Variants in ZDHHC14 observed in about 807,000 individuals in gnomAD.
ZDHHC14 encodes palmitoyltransferase ZDHHC14.
Under a neutral mutation model 47.7 loss-of-function variants are expected in ZDHHC14, and 16 were observed. That is an observed-to-expected ratio of 0.34 (90% CI 0.23 to 0.51). The LOEUF (loss-of-function observed/expected upper bound fraction) is 0.51. Ranked by LOEUF, ZDHHC14 falls within the 20% of genes least tolerant of loss-of-function variation. The pLI is 0.97. For synonymous variants in ZDHHC14, 293 were observed against 278.9 expected (o/e 1.05, Z -0.50); for missense variants, 515 against 662.5 (o/e 0.78, Z 2.44).
At chr6:157,524,131 ATTT>A (rs879683007) in intron 1 of ZDHHC14, among the ~76,000 whole-genome samples, 1 of 142,842 alleles carries the variant, frequency 7.0e-6, no homozygotes, top group African/African-American at 2.6e-5. Context: ...TTGATTGGCA[ATTT>A]TTTTTTTTTT....
chr6:157,606,467 A>C (rs1583010217), intron 3 of ZDHHC14, among the ~76,000 whole-genome samples: 1 of 152,176 alleles, frequency 6.6e-6, no homozygotes, highest in East Asian at 1.9e-4. Context: ...ACTCCATCTC[A>C]AAAAAAAGAA....
At chr6:157,497,102 A>G (rs1335184143) in intron 1 of ZDHHC14, among the ~76,000 whole-genome samples, 1 of 152,178 alleles carries the variant, frequency 6.6e-6, no homozygotes, top group Non-Finnish European at 1.5e-5. Flanking sequence ...TAAGGGAGGA[A>G]ACAGAAGGTG....
chr6:157,654,678 G>T (rs1320471331), intron 8 of ZDHHC14, among the ~76,000 whole-genome samples: 1 of 151,934 alleles, frequency 6.6e-6, no homozygotes, highest in South Asian at 2.1e-4. Flanking sequence ...TTACGTGTTG[G>T]TGGTGGTGGT....
At chr6:157,654,978 A>T (rs934384126) in intron 8 of ZDHHC14, among the ~76,000 whole-genome samples, 1 of 152,046 alleles carries the variant, frequency 6.6e-6, no homozygotes, top group African/African-American at 2.4e-5. Context: ...CAGGTGATCC[A>T]CCTGCCTCGG....
intron 5 of ZDHHC14, among the ~76,000 whole-genome samples, chr6:157,634,397 T>C (rs1477781106): frequency 6.6e-6 from 1 of 152,152 alleles, no homozygotes; most frequent in Non-Finnish European, 1.5e-5. Flanking sequence ...CCTGTGCTAT[T>C]AGGATCAGGT....
At chr6:157,492,898 T>C (rs1244509967) in intron 1 of ZDHHC14, among the ~76,000 whole-genome samples, 1 of 151,958 alleles carries the variant, frequency 6.6e-6, no homozygotes, top group Non-Finnish European at 1.5e-5. Context: ...TGGCTAGTTC[T>C]TGGAACAGCA....
At chr6:157,545,315 T>C (rs1562472783) in intron 2 of ZDHHC14, among the ~76,000 whole-genome samples, 1 of 152,066 alleles carries the variant, frequency 6.6e-6, no homozygotes, top group South Asian at 2.1e-4. Flanking sequence ...TACAAGTCAC[T>C]GAATTGCACA....
chr6:157,478,177 T>C (rs1779536638), intron 1 of ZDHHC14, among the ~76,000 whole-genome samples: 1 of 151,934 alleles, frequency 6.6e-6, no homozygotes, highest in Admixed American at 6.6e-5. Flanking sequence ...TGTTCAGGAA[T>C]GTTCAATACA....
chr6:157,567,130 G>T (rs571635344), intron 2 of ZDHHC14, among the ~76,000 whole-genome samples: 3 of 152,066 alleles, frequency 2.0e-5, no homozygotes, highest in South Asian at 4.2e-4. Flanking sequence ...GAGATTACAC[G>T]CGTGACCCAG....
In ZDHHC14 at chr6:157,632,882, G is replaced by T; in HGVS notation, c.752G>T (p.Ser251Ile). The change falls in exon 5 of 9, where the codon AGC becomes ATC. Residue 251 changes from serine to isoleucine, a missense_variant and splice_region_variant. Physicochemically the swap from Ser to Ile is moderately radical, Grantham distance 142. Coordinates refer to ENST00000359775, the MANE Select transcript of ZDHHC14 (RefSeq NM_024630.3). Reference protein sequence around the residue: ...FLNALKDSPASVLEAVVCFFS... With the variant: ...FLNALKDSPAIVLEAVVCFFS... ...AATGCCCTTAAGGACAGTCCTGCAAGATATCCTTTGTGATGATTCTGTTTT... is the reference window on the plus strand; with the variant it reads ...AATGCCCTTAAGGACAGTCCTGCAATATATCCTTTGTGATGATTCTGTTTT... 6.2e-7 allele frequency: 1 copy of T among 1,614,138 alleles called. No homozygotes were observed.
chr6:157,603,975 C>T (rs959943619), intron 3 of ZDHHC14, among the ~76,000 whole-genome samples: 1 of 152,132 alleles, frequency 6.6e-6, no homozygotes, highest in African/African-American at 2.4e-5. Context: ...GGTTCCACAT[C>T]CATGGATTCA....
At chr6:157,572,153 G>A (rs1187266775) in intron 2 of ZDHHC14, among the ~76,000 whole-genome samples, 1 of 152,084 alleles carries the variant, frequency 6.6e-6, no homozygotes, top group East Asian at 1.9e-4. Flanking sequence ...CAGCACTCTT[G>A]ATATCTGGGG....
intron 5 of ZDHHC14, among the ~76,000 whole-genome samples, chr6:157,637,299 G>C (rs1041582887): frequency 6.6e-6 from 1 of 152,140 alleles, no homozygotes; most frequent in Non-Finnish European, 1.5e-5. Flanking sequence ...TCAGGGGTCT[G>C]GCCCGCAGAA....
At chr6:157,580,712 T>TTTTGTGTG (rs112978484) in intron 2 of ZDHHC14, among the ~76,000 whole-genome samples, 4 of 148,684 alleles carry the variant, frequency 2.7e-5, no homozygotes, top group African/African-American at 1.0e-4. Context: ...TTTTTGTGTT[T>TTTTGTGTG]TGTGTGTGTG....
At chr6:157,632,943 C>CTG in intron 5 of ZDHHC14, 61 bp downstream of exon 5, 2 of 1,546,124 alleles carry the variant, frequency 1.3e-6, no homozygotes, top group Non-Finnish European at 1.8e-6. Context: ...GGCTGACCTT[C>CTG]TGTGCGCACA....
intron 8 of ZDHHC14, among the ~76,000 whole-genome samples, chr6:157,656,631 C>T (rs1347336569): frequency 6.6e-6 from 1 of 150,476 alleles, no homozygotes; most frequent in Non-Finnish European, 1.5e-5. Flanking sequence ...TCACCGCGCC[C>T]AGCCTGGAAA....
chr6:157,533,130 T>C (rs941646076), intron 1 of ZDHHC14, among the ~76,000 whole-genome samples: 2 of 152,316 alleles, frequency 1.3e-5, no homozygotes, highest in African/African-American at 2.4e-5. Flanking sequence ...TTGTATCCTG[T>C]GTTTTTTTAG....
intron 3 of ZDHHC14, among the ~76,000 whole-genome samples, chr6:157,624,352 G>C (rs909925120): frequency 5.3e-5 from 8 of 152,192 alleles, no homozygotes; most frequent in Non-Finnish European, 8.8e-5. Context: ...TCCATGGCCT[G>C]TTCTCATCCT....
chr6:157,669,368 C>G (rs1411432870), intron 8 of ZDHHC14, among the ~76,000 whole-genome samples: 1 of 152,008 alleles, frequency 6.6e-6, no homozygotes. Flanking sequence ...GAGAGCCCAC[C>G]TCTCCCCAGA....
Sources: allele counts gnomAD v4.1 joint callset (sites outside exome capture counted in the v4.1 genomes callset), GRCh38; gene constraint gnomAD v4.1.1; transcripts MANE v1.5; gene names NCBI Gene and HGNC (gene_info 2026-07-23, HGNC 2026-07-21).